CPQ: variants seen among roughly 807,000 people sequenced by gnomAD.
CPQ encodes carboxypeptidase Q.
A neutral mutation model predicts 45.7 loss-of-function variants in CPQ; 37 were observed. The ratio of observed to expected loss-of-function variants is 0.81; its 90% confidence interval spans 0.62 to 1.07. The LOEUF is 1.07. Among genes scored for constraint, CPQ ranks in the 50% least tolerant of loss-of-function variants. The pLI is 0.00. For missense variants in CPQ, 537 were observed against 572.9 expected (o/e 0.94, Z 0.64); for synonymous variants, 186 against 205.8 (o/e 0.90, Z 0.82).
intron 1 of CPQ, among the ~76,000 whole-genome samples, chr8:96,666,692 G>T (rs1465963374): frequency 6.6e-6 from 1 of 152,234 alleles, no homozygotes; most frequent in African/African-American, 2.4e-5. Context: ...ATGGCTCTTG[G>T]CCTCTAGACT....
At chr8:96,844,005 A>G (rs1811651751) in intron 3 of CPQ, among the ~76,000 whole-genome samples, 1 of 152,194 alleles carries the variant, frequency 6.6e-6, no homozygotes, top group Non-Finnish European at 1.5e-5. Flanking sequence ...TGCATTCATA[A>G]TTGTAAAATA....
intron 6 of CPQ, among the ~76,000 whole-genome samples, chr8:97,041,650 T>A (rs956266284): frequency 1.3e-5 from 2 of 152,110 alleles, no homozygotes; most frequent in African/African-American, 2.4e-5. Context: ...TTATTTTGAG[T>A]TACGTCCCCT....
At chr8:96,966,130 GT>G in intron 5 of CPQ, 84 bp downstream of exon 5, 1 of 927,862 alleles carries the variant, frequency 1.1e-6, no homozygotes. Context: ...TAACAGATTA[GT>G]TACTATGGTA....
intron 5 of CPQ, among the ~76,000 whole-genome samples, chr8:96,995,589 T>G (rs962764246): frequency 1.3e-5 from 2 of 149,678 alleles, no homozygotes; most frequent in African/African-American, 5.1e-5. Flanking sequence ...TGGCAAGGTC[T>G]GATAGCAGCT....
chr8:96,899,299 A>G (rs1462687046), intron 4 of CPQ, among the ~76,000 whole-genome samples: 4 of 152,164 alleles, frequency 2.6e-5, no homozygotes, highest in Non-Finnish European at 5.9e-5. Flanking sequence ...GACTTTTTGT[A>G]TATTATTTCA....
At chr8:96,706,367 G>A (rs902349188) in intron 1 of CPQ, among the ~76,000 whole-genome samples, 1 of 151,986 alleles carries the variant, frequency 6.6e-6, no homozygotes, top group Non-Finnish European at 1.5e-5. Context: ...GGCTGACTGG[G>A]CATTTTGTTA....
intron 5 of CPQ, among the ~76,000 whole-genome samples, chr8:97,010,639 T>C (rs1039266977): frequency 1.3e-5 from 2 of 152,140 alleles, no homozygotes; most frequent in East Asian, 1.9e-4. Context: ...ACTTTCACAG[T>C]TATGTAATCG....
At chr8:96,959,891 C>CAAAA in intron 4 of CPQ, among the ~76,000 whole-genome samples, 1 of 80,546 alleles carries the variant, frequency 1.2e-5, no homozygotes, top group East Asian at 3.3e-4. Flanking sequence ...ATCACAAAAG[C>CAAAA]AAAAAAAAAA....
At chr8:96,784,423 C>T (rs1810731646) in intron 1 of CPQ, among the ~76,000 whole-genome samples, 1 of 150,486 alleles carries the variant, frequency 6.6e-6, no homozygotes, top group South Asian at 2.1e-4. Context: ...GTAAAATTAT[C>T]AAAAACAGAT....
At chr8:97,060,202 C>T (rs1044232774) in intron 6 of CPQ, among the ~76,000 whole-genome samples, 4 of 152,124 alleles carry the variant, frequency 2.6e-5, no homozygotes, top group African/African-American at 4.8e-5. Flanking sequence ...ACAAAAACAT[C>T]ATCCTTGTGT....
chr8:96,784,752 G>T, intron 1 of CPQ, 112 bp from the exon 2 acceptor site: 1 of 711,572 alleles, frequency 1.4e-6, no homozygotes, highest in Non-Finnish European at 2.3e-6. Context: ...GTGGATGTTG[G>T]GCAGTGGTTG....
At chr8:96,909,208 T>A (rs1400581051) in intron 4 of CPQ, among the ~76,000 whole-genome samples, 1 of 152,020 alleles carries the variant, frequency 6.6e-6, no homozygotes, top group Non-Finnish European at 1.5e-5. Context: ...TAAAACTTTG[T>A]TATGGTAAAC....
At chr8:96,848,411 T>C (rs1811728085) in intron 3 of CPQ, among the ~76,000 whole-genome samples, 1 of 152,218 alleles carries the variant, frequency 6.6e-6, no homozygotes. Flanking sequence ...CACCAAATAC[T>C]ACAAACGTGA....
intron 7 of CPQ, among the ~76,000 whole-genome samples, chr8:97,132,386 G>A (rs369554841): frequency 3.9e-5 from 6 of 152,280 alleles, no homozygotes; most frequent in African/African-American, 7.2e-5. Flanking sequence ...AAACTATTCC[G>A]ATTTCAGATG....
intron 2 of CPQ, among the ~76,000 whole-genome samples, chr8:96,785,810 A>G: frequency 6.6e-6 from 1 of 152,162 alleles, no homozygotes; most frequent in East Asian, 1.9e-4. Context: ...TTCTACCTTT[A>G]CTTATAAGCA....
At chr8:96,737,674 C>T (rs1449398953) in intron 1 of CPQ, among the ~76,000 whole-genome samples, 1 of 152,136 alleles carries the variant, frequency 6.6e-6, no homozygotes, top group Non-Finnish European at 1.5e-5. Flanking sequence ...TGGCAACACC[C>T]ACACAGACAC....
intron 1 of CPQ, among the ~76,000 whole-genome samples, chr8:96,741,739 A>T (rs1430364497): frequency 6.6e-6 from 1 of 151,856 alleles, no homozygotes; most frequent in South Asian, 2.1e-4. Flanking sequence ...TGTACCCAGT[A>T]GTCATTCAGG....
chr8:96,653,720 A>G (rs1008100649), intron 1 of CPQ, among the ~76,000 whole-genome samples: 1 of 152,222 alleles, frequency 6.6e-6, no homozygotes, highest in Non-Finnish European at 1.5e-5. Context: ...CTATTTATTA[A>G]GTGGAAGTGA....
At chr8:97,123,184 TAAAATAAAATAAAATAAAATAA>T (rs1563587352) in intron 7 of CPQ, among the ~76,000 whole-genome samples, 151 of 51,456 alleles carry the variant, frequency 2.9e-3, no homozygotes, top group Non-Finnish European at 4.1e-3. Context: ...AAATATAAAA[TAAAATAAAATAAAATAAAATAA>T]AAAATAAAAT....
Sources: allele counts gnomAD v4.1 joint callset (sites outside exome capture counted in the v4.1 genomes callset), GRCh38; gene constraint gnomAD v4.1.1; transcripts MANE v1.5; gene names NCBI Gene and HGNC (gene_info 2026-07-23, HGNC 2026-07-21).